Variants in NALCN observed in about 807,000 individuals in gnomAD.
The protein encoded by NALCN is sodium leak channel NALCN.
A neutral mutation model predicts 225.3 loss-of-function variants in NALCN; 111 were observed. The observed-to-expected ratio is 0.49, with a 90% CI of 0.42 to 0.58. The LOEUF is 0.58. Among genes scored for constraint, NALCN ranks in the 20% least tolerant of loss-of-function variants. The pLI is 0.00. For synonymous variants in NALCN, 764 were observed against 769.0 expected, an observed-to-expected ratio of 0.99 and a Z score of 0.11; for missense variants, 1,378 against 2,202.4, an observed-to-expected ratio of 0.63 and a Z score of 7.49.
chr13:101,135,224 T>C (rs2036724607), intron 17 of NALCN, among the ~76,000 whole-genome samples: 1 of 152,076 alleles, frequency 6.6e-6, no homozygotes. Flanking sequence ...ACTATAAATA[T>C]ACGCTAGATA....
At chr13:101,265,198 G>A (rs144607543) in intron 10 of NALCN, among the ~76,000 whole-genome samples, 1 of 152,168 alleles carries the variant, frequency 6.6e-6, no homozygotes, top group Non-Finnish European at 1.5e-5. Context: ...AGCTCAAACT[G>A]TCTTGTATAC....
intron 18 of NALCN, among the ~76,000 whole-genome samples, chr13:101,112,079 AAGT>A (rs1390164665): frequency 4.6e-5 from 7 of 152,172 alleles, no homozygotes; most frequent in Non-Finnish European, 1.0e-4. Context: ...TCATAAAGAG[AAGT>A]AACTAAAGCT....
intron 21 of NALCN, 28 bp downstream of exon 21, chr13:101,107,670 A>G (rs756761192): frequency 3.1e-6 from 5 of 1,613,820 alleles, no homozygotes; most frequent in Non-Finnish European, 4.2e-6. Flanking sequence ...CCCGAATGAG[A>G]GCCATGGGAC....
chr13:101,122,455 C>T (rs1197539476), intron 18 of NALCN, among the ~76,000 whole-genome samples: 2 of 152,120 alleles, frequency 1.3e-5, no homozygotes, highest in African/African-American at 2.4e-5. Context: ...CCCTAAACTA[C>T]ACCATTGTTA....
chr13:101,155,957 C>A (rs1157602548), intron 15 of NALCN, among the ~76,000 whole-genome samples: 1 of 152,060 alleles, frequency 6.6e-6, no homozygotes, highest in South Asian at 2.1e-4. Context: ...ACATTTCTTA[C>A]TTGGAATTAT....
chr13:101,336,275 G>A (rs1398251130), intron 7 of NALCN, among the ~76,000 whole-genome samples: 1 of 152,000 alleles, frequency 6.6e-6, no homozygotes, highest in Non-Finnish European at 1.5e-5. Context: ...ACCCACACAG[G>A]GAGCTGAGTC....
At chr13:101,281,425 AAAT>A (rs1363377155) in intron 10 of NALCN, among the ~76,000 whole-genome samples, 1 of 152,224 alleles carries the variant, frequency 6.6e-6, no homozygotes, top group Admixed American at 6.5e-5. Context: ...ATGGATTAAA[AAAT>A]AATGTCAATA....
intron 10 of NALCN, among the ~76,000 whole-genome samples, chr13:101,266,335 A>G (rs1448435796): frequency 6.6e-6 from 1 of 152,192 alleles, no homozygotes; most frequent in Non-Finnish European, 1.5e-5. Flanking sequence ...ACATTTATAA[A>G]CTTTCAAAAT....
Position 101,292,997 on chromosome 13 carries a change from G to A in NALCN, c.800-631C>T, listed in dbSNP as rs1566540691. Among the ~76,000 whole-genome samples, 1 of 152,222 alleles carries A rather than the reference G, an allele frequency of 6.6e-6. No individual in the cohort carries two copies. Among genetic ancestry groups the A allele is most frequent in the East Asian group, 1.9e-4 (1 of 5,200 alleles). ...GGAAAGAAAGGAAAGCTAAAAATAT[G>A]TGGATAGATTTTTTAACATTGGTTA... is the stretch of plus-strand genomic sequence containing the variant. On this transcript the variant is annotated intron_variant, in intron 7 of 43. Coordinates refer to ENST00000251127, the MANE Select transcript of NALCN (RefSeq NM_052867.4). This position sits in a 1 kb window ranked among gnomAD's most constrained non-coding sequence, Gnocchi z 4.3.
chr13:101,380,235 A>G (rs1252105761), intron 3 of NALCN, among the ~76,000 whole-genome samples: 14 of 141,276 alleles, frequency 9.9e-5, no homozygotes, highest in African/African-American at 3.0e-4. Flanking sequence ...ATTCAAGACT[A>G]ACAAAAAAAA....
intron 6 of NALCN, among the ~76,000 whole-genome samples, chr13:101,353,287 AG>A (rs1369344763): frequency 6.6e-6 from 1 of 152,216 alleles, no homozygotes; most frequent in East Asian, 1.9e-4. Context: ...TCTTGCTAAA[AG>A]CTGACCCCTA....
intron 13 of NALCN, 36 bp from the exon 14 acceptor site, chr13:101,192,090 T>G: frequency 6.4e-7 from 1 of 1,566,800 alleles, no homozygotes; most frequent in East Asian, 2.3e-5. Context: ...ACACACTAGC[T>G]TTAGGCTTGC....
At chr13:101,122,881 C>G (rs948946283) in intron 18 of NALCN, among the ~76,000 whole-genome samples, 1 of 152,142 alleles carries the variant, frequency 6.6e-6, no homozygotes, top group Non-Finnish European at 1.5e-5. Context: ...AAAACTGTCA[C>G]CTGGATAAAT....
chr13:101,407,369 T>G (rs529367823), intron 1 of NALCN, among the ~76,000 whole-genome samples: 1 of 152,364 alleles, frequency 6.6e-6, no homozygotes, highest in African/African-American at 2.4e-5. Context: ...TCTGGGACTT[T>G]GCAATAGATG....
Position 101,365,795 on chromosome 13 carries a change from G to C in NALCN, c.644+10905C>G, listed in dbSNP as rs895673619. Among the ~76,000 whole-genome samples the C allele has an allele frequency of 2.0e-5, 3 of 152,130 alleles. No individual in the cohort carries two copies. The South Asian group carries it at 6.2e-4, about 32-fold the overall frequency. The stretch of plus-strand genomic sequence containing the variant: ...GTGATGTGTGATCACCCTACCTCTG[G>C]GCTTAAAGCTAGTGGTCCAGCCATC... On this transcript the variant is annotated intron_variant, in intron 6 of 43. Transcript: ENST00000251127.
chr13:101,357,885 A>T (rs1468238890), intron 6 of NALCN, among the ~76,000 whole-genome samples: 1 of 152,174 alleles, frequency 6.6e-6, no homozygotes, highest in Non-Finnish European at 1.5e-5. Context: ...CACATCACGC[A>T]TCTACAACCA....
chr13:101,108,736 T>C (rs1456887797), intron 20 of NALCN, among the ~76,000 whole-genome samples: 9 of 152,192 alleles, frequency 5.9e-5, no homozygotes, highest in Non-Finnish European at 1.2e-4. Flanking sequence ...GCCCTTTAGA[T>C]GGACCCCATG....
chr13:101,164,367 C>G (rs1437680010), intron 15 of NALCN, among the ~76,000 whole-genome samples: 1 of 152,170 alleles, frequency 6.6e-6, no homozygotes, highest in Admixed American at 6.5e-5. Context: ...TCACAGCTCA[C>G]TGCAGCCTTG....
At chr13:101,095,495 C>T in intron 28 of NALCN, 79 bp downstream of exon 28, 3 of 1,123,996 alleles carry the variant, frequency 2.7e-6, no homozygotes, top group Admixed American at 4.6e-5. Flanking sequence ...CTTTTAGTTA[C>T]ATGCCATATG....
Sources: allele counts gnomAD v4.1 joint callset (sites outside exome capture counted in the v4.1 genomes callset), GRCh38; gene constraint gnomAD v4.1.1; non-coding constraint Gnocchi (gnomAD v3.1); transcripts MANE v1.5; gene names NCBI Gene and HGNC (gene_info 2026-07-23, HGNC 2026-07-21).